NPSR1: variants seen among roughly 807,000 people sequenced by gnomAD.
The protein encoded by NPSR1 is neuropeptide S receptor 1, also known as neuropeptide S receptor.
NPSR1 carries 48 observed loss-of-function variants against 46.9 expected under a neutral mutation model. The ratio of observed to expected loss-of-function variants is 1.02; its 90% CI spans 0.81 to 1.30. The LOEUF is 1.30. NPSR1 is among the 50% of genes most tolerant of loss of function. The pLI is 0.00. For missense variants in NPSR1, 450 were observed against 449.5 expected (o/e 1.00, Z -0.01); for synonymous variants, 176 against 168.1 (o/e 1.05, Z -0.36).
intron 8 of NPSR1, among the ~76,000 whole-genome samples, chr7:34,860,346 A>G (rs935718544): frequency 1.3e-5 from 2 of 151,888 alleles, no homozygotes; most frequent in African/African-American, 4.9e-5. Context: ...TATTGTATGC[A>G]TTGATATTTA....
At chr7:34,815,467 G>A (rs1189313593) in intron 4 of NPSR1, among the ~76,000 whole-genome samples, 6 of 152,100 alleles carry the variant, frequency 3.9e-5, no homozygotes, top group Admixed American at 2.0e-4. Flanking sequence ...GAAACTGATG[G>A]GGCGAACAGA....
chr7:34,751,193 G>T, intron 2 of NPSR1: 2 of 1,111,944 alleles, frequency 1.8e-6, no homozygotes, highest in South Asian at 1.2e-5. Flanking sequence ...GGGTCCACCA[G>T]ATTGGGAAAG....
intron 3 of NPSR1, among the ~76,000 whole-genome samples, chr7:34,791,519 A>G (rs1404849498): frequency 6.6e-6 from 1 of 151,552 alleles, no homozygotes; most frequent in African/African-American, 2.4e-5. Context: ...TGATAGACTT[A>G]TACAAAAAAA....
chr7:34,844,675 C>A (rs888573295), intron 6 of NPSR1, among the ~76,000 whole-genome samples: 1 of 152,158 alleles, frequency 6.6e-6, no homozygotes. Flanking sequence ...TCTGAGCATT[C>A]CATACCATTT....
chr7:34,843,284 C>A (rs922697123), intron 6 of NPSR1, among the ~76,000 whole-genome samples: 2 of 152,200 alleles, frequency 1.3e-5, no homozygotes, highest in Non-Finnish European at 2.9e-5. Context: ...GCACTTGCAA[C>A]TGGCAAAGGT....
chr7:34,721,415 C>G (rs1783851661), intron 2 of NPSR1, among the ~76,000 whole-genome samples: 2 of 152,182 alleles, frequency 1.3e-5, no homozygotes, highest in African/African-American at 4.8e-5. Flanking sequence ...GAGGAGGAGT[C>G]TTGTGTGAAC....
At chr7:34,818,325 C>T (rs1315580135) in intron 4 of NPSR1, among the ~76,000 whole-genome samples, 1 of 152,086 alleles carries the variant, frequency 6.6e-6, no homozygotes, top group Non-Finnish European at 1.5e-5. Context: ...ACAATTGCTA[C>T]AAAGAGAATA....
chr7:34,750,907 CT>C (rs1191943851), intron 2 of NPSR1: 5 of 729,182 alleles, frequency 6.9e-6, no homozygotes, highest in Non-Finnish European at 1.3e-5. Context: ...TGAAAAGGCA[CT>C]TCCTCCACCC....
intron 3 of NPSR1, among the ~76,000 whole-genome samples, chr7:34,803,188 A>G (rs1260238239): frequency 1.3e-5 from 2 of 151,742 alleles, no homozygotes; most frequent in Non-Finnish European, 2.9e-5. Flanking sequence ...AACTAGAAAT[A>G]CCATTTGACC....
At chr7:34,865,475 C>A (rs1173098894) in intron 8 of NPSR1, among the ~76,000 whole-genome samples, 1 of 151,778 alleles carries the variant, frequency 6.6e-6, no homozygotes, top group Non-Finnish European at 1.5e-5. Context: ...CGACTTAAGC[C>A]CCTCTTTCTT....
chr7:34,779,611 C>A, intron 3 of NPSR1: 1 of 1,251,368 alleles, frequency 8.0e-7, no homozygotes, highest in Non-Finnish European at 1.0e-6. Flanking sequence ...CTTTTGTGCT[C>A]TGAATATAAC....
downstream of NPSR1, among the ~76,000 whole-genome samples, chr7:34,850,169 C>A (rs905847160): frequency 6.6e-6 from 1 of 152,210 alleles, no homozygotes; most frequent in East Asian, 1.9e-4. Flanking sequence ...TGCTTTGCAC[C>A]TCTTCTGCAG....
At chr7:34,816,194 T>G (rs943938232) in intron 4 of NPSR1, among the ~76,000 whole-genome samples, 1 of 139,928 alleles carries the variant, frequency 7.1e-6, no homozygotes, top group African/African-American at 2.7e-5. Context: ...GAGATACACA[T>G]AGGCTCAAAA....
chr7:34,759,450 T>C (rs1583963913), intron 2 of NPSR1, among the ~76,000 whole-genome samples: 1 of 152,308 alleles, frequency 6.6e-6, no homozygotes, highest in Admixed American at 6.5e-5. Context: ...CCTAGATTGC[T>C]GACTGGGGTC....
chr7:34,849,598 C>A lies in NPSR1; in HGVS notation c.1059C>A (p.Phe353Leu). 1 of 1,614,128 alleles carries A rather than the reference C, an allele frequency of 6.2e-7. No individual in the cohort carries two copies. The highest frequency in any genetic ancestry group is 1.1e-5 in the South Asian group (1 of 91,066). ...EQRSQDSRMTFRERTERHEMQ... is the reference protein window; with the variant it reads ...EQRSQDSRMTLRERTERHEMQ... ...GATCACAGGATTCCAGAATGACGTT[C>A]CGGGAGAGAACTGAGAGGCATGAGA... The change falls in exon 9 of 9, where the codon TTC becomes TTA. Residue 353 changes from phenylalanine to leucine, a missense_variant. By Grantham distance (22) the Phe-to-Leu change is conservative (BLOSUM62 0). Coordinates refer to ENST00000360581, the MANE Select transcript of NPSR1 (RefSeq NM_207172.2).
At chr7:34,665,601 T>C (rs1791703217) in intron 1 of NPSR1, among the ~76,000 whole-genome samples, 1 of 152,216 alleles carries the variant, frequency 6.6e-6, no homozygotes, top group African/African-American at 2.4e-5. Context: ...GGGTCCTGTT[T>C]ACCTTTTCTG....
In NPSR1 at chr7:34,848,555, A is replaced by G; in HGVS notation, c.917A>G (p.Gln306Arg). 2 of 1,614,198 alleles carry G rather than the reference A, an allele frequency of 1.2e-6. No homozygotes were observed. Among genetic ancestry groups the G allele is most frequent in the Non-Finnish European group, 1.7e-6 (2 of 1,180,012 alleles). Residue 306 changes from glutamine (Q) to arginine (R), a missense_variant, in exon 8 of 9, where the codon CAG becomes CGG. Gln to Arg is a conservative substitution (Grantham distance 43). Coordinates refer to ENST00000360581, the MANE Select transcript of NPSR1 (RefSeq NM_207172.2). Reference protein sequence around the residue: ...LDNFNLLPDTQERFYASVIIQ... With the variant: ...LDNFNLLPDTRERFYASVIIQ... ...AATTTCAACCTCCTTCCAGACACCC[A>G]GGAGCGTTTCTATGCCTCTGTGATC...
intron 2 of NPSR1, among the ~76,000 whole-genome samples, chr7:34,760,189 C>T (rs1407513034): frequency 3.3e-5 from 5 of 152,150 alleles, no homozygotes; most frequent in Admixed American, 3.3e-4. Flanking sequence ...TTGCAGAAAA[C>T]ATTATTCTAG....
chr7:34,749,748 G>A (rs562592304), intron 2 of NPSR1, among the ~76,000 whole-genome samples: 81 of 152,290 alleles, frequency 5.3e-4, no homozygotes, highest in African/African-American at 1.9e-3. Flanking sequence ...GTTCAATTTC[G>A]TATCCTTAGA....
Sources: allele counts gnomAD v4.1 joint callset (sites outside exome capture counted in the v4.1 genomes callset), GRCh38; gene constraint gnomAD v4.1.1; transcripts MANE v1.5; gene names NCBI Gene and HGNC (gene_info 2026-07-23, HGNC 2026-07-21).